FILIP1L: variants seen among roughly 807,000 people sequenced by gnomAD.
FILIP1L encodes the protein filamin A interacting protein 1 like, also known as filamin A-interacting protein 1-like.
FILIP1L carries 55 observed loss-of-function variants against 96.6 expected under a neutral mutation model. The observed-to-expected ratio is 0.57, with a 90% CI of 0.46 to 0.71. The LOEUF is 0.71. FILIP1L is among the 30% of genes least tolerant of loss of function. The probability of loss-of-function intolerance (pLI) is 0.00; values close to 1 mark genes in which losing one functional copy is unlikely to be tolerated. For synonymous variants in FILIP1L, 467 were observed against 473.9 expected (o/e 0.99, Z 0.19); for missense variants, 1,304 against 1,321.2 (o/e 0.99, Z 0.20).
At chr3:100,047,021 T>C (rs758533938) in intron 1 of FILIP1L, among the ~76,000 whole-genome samples, 20 of 152,216 alleles carry the variant, frequency 1.3e-4, no homozygotes, top group African/African-American at 1.9e-4. Context: ...TGCTCCCGAC[T>C]TGAGTTTTCA....
At chr3:99,956,746 T>C (rs1708331735) in intron 1 of FILIP1L, among the ~76,000 whole-genome samples, 1 of 152,206 alleles carries the variant, frequency 6.6e-6, no homozygotes, top group African/African-American at 2.4e-5. Flanking sequence ...TCACTATTGG[T>C]TCTTTTTCCA....
At chr3:100,104,488 G>A (rs185505730) in intron 1 of FILIP1L, among the ~76,000 whole-genome samples, 19 of 152,302 alleles carry the variant, frequency 1.2e-4, no homozygotes, top group Admixed American at 3.9e-4. Flanking sequence ...AAATAAAACT[G>A]TTAGCAGTTC....
At chr3:99,853,172 T>C (rs1559660276) in intron 4 of FILIP1L, among the ~76,000 whole-genome samples, 1 of 152,218 alleles carries the variant, frequency 6.6e-6, no homozygotes, top group Non-Finnish European at 1.5e-5. Context: ...AGTCCATGGG[T>C]AAACTGCTTT....
At chr3:99,941,592 C>T (rs544800705) in intron 1 of FILIP1L, among the ~76,000 whole-genome samples, 12 of 152,132 alleles carry the variant, frequency 7.9e-5, no homozygotes, top group African/African-American at 2.9e-4. Context: ...GTATGCATCA[C>T]AGGGCTGTTT....
Position 99,848,969 on chromosome 3 carries a change from G to C in FILIP1L, c.2707C>G (p.His903Asp). The change falls in exon 5 of 6, where the codon CAT becomes GAT. Residue 903 changes from histidine (H) to aspartate (D), a missense_variant. By Grantham distance (81) the His-to-Asp change is moderately conservative. Coordinates refer to ENST00000477258, the MANE Select transcript of FILIP1L (RefSeq NM_001387850.1). ...VLSHTPGQPL[H>D]IKVTPDHVQN... ...ACATGGTCTGGAGTAACCTTTATAT[G>C]AAGTGGCTGCCCAGGTGTGTGGCTT... is the stretch of plus-strand genomic sequence containing the variant. 6.2e-7 allele frequency: 1 copy of C among 1,614,128 alleles called. No individual in the cohort carries two copies. Among genetic ancestry groups the C allele is most frequent in the Non-Finnish European group, 8.5e-7 (1 of 1,180,002 alleles).
chr3:99,838,431 C>T (rs756164664), intron 5 of FILIP1L, among the ~76,000 whole-genome samples: 3 of 152,162 alleles, frequency 2.0e-5, no homozygotes, highest in Admixed American at 6.5e-5. Flanking sequence ...GTGGGTCTTA[C>T]TTCACTTGAC....
chr3:99,898,104 G>A lies in FILIP1L; in HGVS notation c.605+26126C>T, dbSNP rs928150711. The A allele has an allele frequency of 2.6e-5, 4 of 152,186 alleles. No individual in the cohort carries two copies. The East Asian group carries it at 7.7e-4, about 29-fold the overall frequency. 9.4% of individuals were successfully genotyped at this position (152,186 alleles called of 1,614,324 possible). A position where few individuals can be genotyped will look rare whatever the true frequency, so the allele number is the denominator to read the frequency against. ...TTATCTAAGTTATTAGACTCTCAAG[G>A]AAACTTTCAAAAGCAGGCAGGCTTG... On this transcript the variant is annotated intron_variant, in intron 4 of 5. Coordinates refer to ENST00000477258, the MANE Select transcript of FILIP1L (RefSeq NM_001387850.1).
chr3:99,993,563 G>C (rs1261716402), intron 1 of FILIP1L, among the ~76,000 whole-genome samples: 1 of 152,088 alleles, frequency 6.6e-6, no homozygotes, highest in East Asian at 1.9e-4. Flanking sequence ...CCAGTTCTTA[G>C]AGGGAATGCT....
chr3:99,830,823 T>G (rs1377394121), intron 5 of FILIP1L, among the ~76,000 whole-genome samples: 3 of 152,134 alleles, frequency 2.0e-5, no homozygotes, highest in Non-Finnish European at 4.4e-5. Context: ...TTGATAGAGA[T>G]AGTGGTAGAT....
intron 1 of FILIP1L, among the ~76,000 whole-genome samples, chr3:100,020,636 A>G (rs1173425165): frequency 1.3e-5 from 2 of 152,176 alleles, no homozygotes; most frequent in East Asian, 3.8e-4. Context: ...AACATTTTTA[A>G]AATAGTCTTA....
rs139188174 is a variant in FILIP1L at position 99,840,536 on chromosome 3, T to C, written c.3381+7759A>G. The stretch of plus-strand genomic sequence containing the variant: ...CATGCCCAGCCAATTCATAGAATCT[T>C]AGAGAAGGAAACATCTAGTAGTTTT... On this transcript the variant is annotated intron_variant, in intron 5 of 5. Transcript: ENST00000477258. Among the ~76,000 whole-genome samples, 1,103 of 152,286 alleles carry C rather than the reference T, an allele frequency of 7.2e-3. 19 individuals carry two copies. The highest frequency in any genetic ancestry group is 0.024 in the African/African-American group (1,016 of 41,552).
chr3:99,919,882 G>C (rs1010983779), intron 4 of FILIP1L, among the ~76,000 whole-genome samples: 6 of 152,228 alleles, frequency 3.9e-5, no homozygotes, highest in African/African-American at 1.4e-4. Context: ...TGGACACCTG[G>C]TGACTTTCCT....
At chr3:99,832,291 C>T (rs1942698118) in intron 5 of FILIP1L, among the ~76,000 whole-genome samples, 1 of 146,640 alleles carries the variant, frequency 6.8e-6, no homozygotes, top group Non-Finnish European at 1.5e-5. Context: ...AGTGCAGTGG[C>T]GCGATATCGG....
At chr3:100,050,085 A>C (rs1011385984) in intron 1 of FILIP1L, among the ~76,000 whole-genome samples, 1 of 152,218 alleles carries the variant, frequency 6.6e-6, no homozygotes, top group Non-Finnish European at 1.5e-5. Flanking sequence ...TTTTAATCAC[A>C]CAGACTCACC....
intron 1 of FILIP1L, chr3:100,075,694 A>T (rs1312309859): frequency 1.3e-5 from 2 of 152,112 alleles, no homozygotes; most frequent in Non-Finnish European, 2.9e-5. Flanking sequence ...AAAATTACAC[A>T]ACATGGTAAT....
chr3:99,854,494 A>C (rs1018874200), intron 4 of FILIP1L, among the ~76,000 whole-genome samples: 18 of 152,080 alleles, frequency 1.2e-4, no homozygotes, highest in Admixed American at 6.6e-4. Context: ...TCCTTTTTCC[A>C]TTAATAGTTC....
chr3:100,091,284 C>CAAAAA, intron 1 of FILIP1L, among the ~76,000 whole-genome samples: 1 of 59,106 alleles, frequency 1.7e-5, no homozygotes, highest in African/African-American at 6.2e-5. Context: ...GACTCCGTCT[C>CAAAAA]AAAAAAAAAA....
At position 99,953,701 on chromosome 3, in the gene FILIP1L, G is replaced by C. The variant is rs546042192; in HGVS notation, c.-10-22671C>G. Among the ~76,000 whole-genome samples the C allele has an allele frequency of 3.3e-5, 5 of 152,268 alleles. No individual in the cohort carries two copies. In the South Asian group the frequency reaches 1.0e-3, roughly 32 times the overall value. On this transcript the variant is annotated intron_variant, in intron 1 of 5. Transcript: ENST00000477258. ...CACTGATTACTTGTCATTTCTACTG[G>C]AATGTGCTTTTCATAGATAATGAAA...
chr3:99,973,930 T>G (rs912960729), intron 1 of FILIP1L, among the ~76,000 whole-genome samples: 3 of 152,226 alleles, frequency 2.0e-5, no homozygotes, highest in African/African-American at 7.2e-5. Context: ...AGATCTTGCA[T>G]TGTTTTCTGT....
Sources: gnomAD v4.1 joint callset for allele counts (sites outside exome capture counted in the v4.1 genomes callset) on GRCh38, gnomAD v4.1.1 for gene constraint, MANE v1.5 for transcripts, NCBI Gene and HGNC (gene_info 2026-07-23, HGNC 2026-07-21) for gene names.